Variants in MAEA observed in about 807,000 individuals in gnomAD.
MAEA encodes the protein E3 ubiquitin-protein transferase MAEA.
MAEA carries 22 observed loss-of-function variants against 46.2 expected under a neutral mutation model. The ratio of observed to expected loss-of-function variants is 0.48; its 90% CI spans 0.34 to 0.68. The LOEUF (loss-of-function observed/expected upper bound fraction) is 0.68. Ranked by LOEUF, MAEA falls within the 30% of genes least tolerant of loss-of-function variation. The probability of loss-of-function intolerance (pLI) is 0.01; values close to 1 mark genes in which losing one functional copy is unlikely to be tolerated. For missense variants in MAEA, 393 were observed against 558.1 expected (o/e 0.70, Z 2.98); for synonymous variants, 246 against 222.6 (o/e 1.11, Z -0.94).
intron 1 of MAEA, among the ~76,000 whole-genome samples, chr4:1,298,326 ATGTGC>A (rs1734972151): frequency 6.6e-6 from 1 of 152,130 alleles, no homozygotes; most frequent in African/African-American, 2.4e-5. Context: ...CTGAAGAGGC[ATGTGC>A]CGTCTTCTGG....
intron 1 of MAEA, among the ~76,000 whole-genome samples, chr4:1,303,399 C>CAAAAAAAAA (rs575075038): frequency 0.11 from 13,075 of 116,236 alleles, 2,004 homozygotes; most frequent in East Asian, 0.38. Flanking sequence ...GACTCTGTCT[C>CAAAAAAAAA]AAAAAAAAAA....
chr4:1,294,337 G>A (rs1010755603), intron 1 of MAEA, among the ~76,000 whole-genome samples: 1 of 152,250 alleles, frequency 6.6e-6, no homozygotes, highest in African/African-American at 2.4e-5. Context: ...GTTGGGCAAG[G>A]CTGAGATAAG....
rs1336937803 is a variant in MAEA, at chr4:1,312,077, G to T, written c.168G>T (p.Lys56Asn). The T allele has an allele frequency of 1.2e-6, 2 of 1,613,938 alleles. No homozygotes were observed. Among genetic ancestry groups the T allele is most frequent in the East Asian group, 2.2e-5 (1 of 44,886 alleles). The change falls in exon 2 of 9, where the codon AAG becomes AAT. Residue 56 changes from lysine (K) to asparagine (N), a missense_variant. Lys to Asn is a moderately conservative substitution (Grantham distance 94). Transcript: ENST00000303400. Reference sequence around the variant, plus strand: ...CCATGGTGGTGGCCGAGCTGGAGAAGACGTTGAGCGGCTGCCCCGCCGTGG... The same window carrying T: ...CCATGGTGGTGGCCGAGCTGGAGAATACGTTGAGCGGCTGCCCCGCCGTGG... ...HVTMVVAELEKTLSGCPAVDS... is the reference protein window; with the variant it reads ...HVTMVVAELENTLSGCPAVDS...
chr4:1,322,461 G>A lies in MAEA; in HGVS notation c.537G>A (p.Leu179=). 1 of 1,614,008 alleles carries A rather than the reference G, an allele frequency of 6.2e-7. No individual in the cohort carries two copies. The highest frequency in any genetic ancestry group is 8.5e-7 in the Non-Finnish European group (1 of 1,180,014). The change falls in exon 4 of 9, where the codon CTG becomes CTA. Residue 179 remains leucine, a synonymous_variant. Coordinates refer to ENST00000303400, the MANE Select transcript of MAEA (RefSeq NM_001017405.3). The part of the protein sequence containing the change: ...SLERRETATC[L]AWCHDNKSRL... Reference sequence around the variant, plus strand: ...AGAGGCGTGAGACGGCCACCTGCCTGGCCTGGTGCCATGACAACAAGTCCC... The same window carrying A: ...AGAGGCGTGAGACGGCCACCTGCCTAGCCTGGTGCCATGACAACAAGTCCC...
At chr4:1,310,453 G>A (rs966980264) in intron 1 of MAEA, among the ~76,000 whole-genome samples, 3 of 152,246 alleles carry the variant, frequency 2.0e-5, no homozygotes, top group African/African-American at 7.2e-5. Context: ...GCACCAGCAA[G>A]CTTGGTTCCA....
At chr4:1,328,582 G>A (rs1739138261) in intron 5 of MAEA, 2 of 1,177,738 alleles carry the variant, frequency 1.7e-6, no homozygotes, top group Middle Eastern at 2.4e-4. Flanking sequence ...CCAGGAGGGG[G>A]CACCTGTCCA....
At chr4:1,295,827 T>G (rs977273895) in intron 1 of MAEA, among the ~76,000 whole-genome samples, 1 of 52,032 alleles carries the variant, frequency 1.9e-5, no homozygotes, top group Non-Finnish European at 3.3e-5. Flanking sequence ...CACCCACGCC[T>G]GTGCCCTCCT....
chr4:1,316,940 C>T (rs1737272087), intron 3 of MAEA, among the ~76,000 whole-genome samples: 2 of 148,918 alleles, frequency 1.3e-5, no homozygotes, highest in Admixed American at 1.3e-4. Flanking sequence ...CCACCCGGCC[C>T]CACACTCCAG....
At position 1,311,184 on chromosome 4, in the gene MAEA, C is replaced by T. The variant is rs1454258022; in HGVS notation, c.70-795C>T. Reference sequence around the variant, plus strand: ...CGGCAGCACGGCCGTGTTGCTGATGCGCTGTGTGGTGAGCTGCCGGCCACC... The same window carrying T: ...CGGCAGCACGGCCGTGTTGCTGATGTGCTGTGTGGTGAGCTGCCGGCCACC... On this transcript the variant is annotated intron_variant, in intron 1 of 8. Transcript: ENST00000303400. This position sits in a 1 kb window ranked among gnomAD's most constrained non-coding sequence, Gnocchi z 4.4. Among the ~76,000 whole-genome samples the T allele has an allele frequency of 3.3e-5, 5 of 152,208 alleles. No individual in the cohort carries two copies. Among genetic ancestry groups the T allele is most frequent in the African/African-American group, 9.7e-5 (4 of 41,450 alleles).
At chr4:1,323,678 C>T (rs1469324572) in intron 4 of MAEA, 21 of 695,204 alleles carry the variant, frequency 3.0e-5, no homozygotes, top group Non-Finnish European at 7.9e-6. Flanking sequence ...GCACACACCT[C>T]ACAGTGGGAA....
chr4:1,337,068 C>G, intron 7 of MAEA, 74 bp downstream of exon 7: 1 of 1,530,442 alleles, frequency 6.5e-7, no homozygotes, highest in Non-Finnish European at 8.9e-7. Context: ...CACGCTGACC[C>G]TGCACCTTGC....
intron 1 of MAEA, 44 bp downstream of exon 1, chr4:1,290,026 C>G (rs1733931495): frequency 6.8e-7 from 1 of 1,473,890 alleles, no homozygotes; most frequent in Non-Finnish European, 9.1e-7. Context: ...GAAGGCGTCT[C>G]CAGCCAGTGC....
At chr4:1,296,754 TGAG>T (rs756005297) in intron 1 of MAEA, among the ~76,000 whole-genome samples, 29 of 152,176 alleles carry the variant, frequency 1.9e-4, no homozygotes, top group South Asian at 1.9e-3. Flanking sequence ...ATGTTCCTCT[TGAG>T]GACAGGATGA....
intron 4 of MAEA, among the ~76,000 whole-genome samples, chr4:1,326,998 C>T (rs1352889225): frequency 6.6e-6 from 1 of 151,976 alleles, no homozygotes; most frequent in Admixed American, 6.5e-5. Context: ...CTCCTCCCCG[C>T]CCTGCCGACC....
intron 1 of MAEA, among the ~76,000 whole-genome samples, chr4:1,299,157 G>T (rs1294497388): frequency 6.6e-6 from 1 of 152,196 alleles, no homozygotes; most frequent in African/African-American, 2.4e-5. Flanking sequence ...GGAATAACAG[G>T]TGTGAGCCAC....
At chr4:1,313,181 G>T (rs529717205) in intron 2 of MAEA, among the ~76,000 whole-genome samples, 1 of 152,246 alleles carries the variant, frequency 6.6e-6, no homozygotes, top group African/African-American at 2.4e-5. Context: ...AGGTGGTCCC[G>T]GCTGGTGGTG....
intron 5 of MAEA, among the ~76,000 whole-genome samples, chr4:1,328,454 TCA>T (rs1038321673): frequency 3.3e-5 from 5 of 152,206 alleles, no homozygotes; most frequent in African/African-American, 1.2e-4. Context: ...GTCGTCTCAC[TCA>T]CTTTCATGGA....
At chr4:1,337,187 C>T (rs28418481) in intron 7 of MAEA, 193 bp downstream of exon 7, 2 of 636,276 alleles carry the variant, frequency 3.1e-6, no homozygotes, top group Non-Finnish European at 5.3e-6. Flanking sequence ...ATGCGTCGTG[C>T]AGCCTTCACT....
At chr4:1,339,022 G>A (rs1391329153) in intron 8 of MAEA, 52 bp from the exon 9 acceptor site, 16 of 1,368,004 alleles carry the variant, frequency 1.2e-5, no homozygotes, top group Admixed American at 1.7e-5. Flanking sequence ...ATGGAAATCC[G>A]TGTGTACGTT....
Sources: gnomAD v4.1 joint callset for allele counts (sites outside exome capture counted in the v4.1 genomes callset) on GRCh38, gnomAD v4.1.1 for gene constraint, Gnocchi (gnomAD v3.1) non-coding constraint, MANE v1.5 for transcripts, NCBI Gene and HGNC (gene_info 2026-07-23, HGNC 2026-07-21) for gene names.